Variants in NPIPA5 observed in about 807,000 individuals in gnomAD.
The protein encoded by NPIPA5 is nuclear pore complex-interacting protein family member A5.
A neutral mutation model predicts 21.4 loss-of-function variants in NPIPA5; 6 were observed. That is an observed-to-expected ratio of 0.28 (90% CI 0.15 to 0.55). NPIPA5 has a LOEUF of 0.55. Among genes scored for constraint, NPIPA5 ranks in the 20% least tolerant of loss-of-function variants. NPIPA5 has a pLI of 0.93. For synonymous variants in NPIPA5, 33 were observed against 115.3 expected, an observed-to-expected ratio of 0.29 and a Z score of 4.57; for missense variants, 99 against 318.2, an observed-to-expected ratio of 0.31 and a Z score of 5.24.
upstream of NPIPA5, chr16:15,380,866 T>G: frequency 2.9e-6 from 2 of 685,506 alleles, no homozygotes; most frequent in Non-Finnish European, 4.8e-6. Context: ...ATGAGATGTG[T>G]GGCAGCTGAG....
intron 4 of NPIPA5, among the ~76,000 whole-genome samples, chr16:15,368,411 A>G (rs548100419): frequency 1.8e-3 from 279 of 152,256 alleles, no homozygotes; most frequent in Non-Finnish European, 3.5e-3. Context: ...CTGCAGCAAG[A>G]TAACATGCTA....
intron 4 of NPIPA5, among the ~76,000 whole-genome samples, chr16:15,369,088 G>T (rs2050069985): frequency 6.7e-6 from 1 of 149,336 alleles, no homozygotes; most frequent in South Asian, 2.1e-4. Flanking sequence ...GGAGGCAGAG[G>T]TTGCAGTGAG....
chr16:15,372,481 C>T (rs71376005), intron 2 of NPIPA5, among the ~76,000 whole-genome samples: 6,885 of 138,690 alleles, frequency 0.05, 412 homozygotes, highest in Non-Finnish European at 0.072. Flanking sequence ...GGAGACTCCT[C>T]TTGGGGGTGA....
rs1380418106 is a variant in NPIPA5, at chr16:15,363,792, G to A, written c.920C>T (p.Thr307Ile). 6 of 1,338,284 alleles carry A rather than the reference G, an allele frequency of 4.5e-6. No individual in the cohort carries two copies. The highest frequency in any genetic ancestry group is 1.5e-5 in the African/African-American group (1 of 66,910). The allele number at this position is 1,338,284 out of a possible 1,614,324, so 82.9% of individuals were successfully genotyped here. A position where few individuals can be genotyped will look rare whatever the true frequency, so the allele number is the denominator to read the frequency against. ...GGGAGTGAGCAGACACTCGGCAGGT[G>A]TCTTGAGATTATCATCCGCTGAGGG... Reference protein sequence around the residue: ...ALPSADDNLKTPAECLLTPLP... With the variant: ...ALPSADDNLKIPAECLLTPLP... Residue 307 changes from threonine (T) to isoleucine (I), a missense_variant, in exon 8 of 8, where the codon ACA becomes ATA. Around this residue, in one of 5 missense-constraint regions of NPIPA5, gnomAD observed 75 missense variants for 138.5 expected, o/e 0.54. Transcript: ENST00000360151.
At chr16:15,378,045 C>T (rs1331997690) in intron 1 of NPIPA5, among the ~76,000 whole-genome samples, 187 bp downstream of exon 1, 7 of 145,160 alleles carry the variant, frequency 4.8e-5, no homozygotes, top group South Asian at 2.2e-4. Context: ...CAGTCCCCCA[C>T]GCTCCTCCCA....
At chr16:15,371,156 G>A (rs955654355) in intron 2 of NPIPA5, among the ~76,000 whole-genome samples, 2 of 144,566 alleles carry the variant, frequency 1.4e-5, no homozygotes, top group Admixed American at 7.5e-5. Context: ...AGGTTAACAT[G>A]TTTCACAACT....
intron 4 of NPIPA5, among the ~76,000 whole-genome samples, chr16:15,367,446 G>A (rs1056346743): frequency 1.3e-5 from 2 of 152,020 alleles, no homozygotes; most frequent in African/African-American, 2.4e-5. Flanking sequence ...AGGTGACAAC[G>A]GCAAACCATC....
intron 4 of NPIPA5, among the ~76,000 whole-genome samples, chr16:15,369,302 A>C (rs2050081285): frequency 6.7e-6 from 1 of 149,742 alleles, no homozygotes; most frequent in African/African-American, 2.4e-5. Context: ...GTAAAAATAC[A>C]AAAATTAGCT....
upstream of NPIPA5, among the ~76,000 whole-genome samples, chr16:15,380,327 A>AT (rs201469564): frequency 0.031 from 4,374 of 140,692 alleles, 143 homozygotes; most frequent in East Asian, 0.12. Flanking sequence ...TTGCAGGATA[A>AT]TTTTTTTTTT....
chr16:15,381,464 G>A, upstream of NPIPA5: 1 of 979,462 alleles, frequency 1.0e-6, no homozygotes, highest in Non-Finnish European at 1.2e-6. Flanking sequence ...AAAAGCATTA[G>A]TGATTTCTCA....
intron 4 of NPIPA5, among the ~76,000 whole-genome samples, chr16:15,369,014 A>G (rs1308272572): frequency 7.2e-6 from 1 of 139,634 alleles, no homozygotes; most frequent in Admixed American, 7.5e-5. Flanking sequence ...AATTGGCCGA[A>G]TGTGGTGGCA....
At chr16:15,374,934 CTTTTA>C (rs1388835452) in intron 1 of NPIPA5, among the ~76,000 whole-genome samples, 1 of 144,882 alleles carries the variant, frequency 6.9e-6, no homozygotes, top group Non-Finnish European at 1.5e-5. Flanking sequence ...ATTATCTTAT[CTTTTA>C]TTTTTGTTTT....
chr16:15,375,908 A>G (rs74735817), intron 1 of NPIPA5, among the ~76,000 whole-genome samples: 71,100 of 149,000 alleles, frequency 0.48, 18,559 homozygotes, highest in Middle Eastern at 0.61. Context: ...TTTCTACATC[A>G]ATTCCTCAGG....
At chr16:15,381,111 G>T (rs2050427550), upstream of NPIPA5, 1 of 1,535,742 alleles carries the variant, frequency 6.5e-7, no homozygotes, top group Middle Eastern at 2.3e-4. Flanking sequence ...AAAAAAAAAA[G>T]TGTTGAATGA....
At chr16:15,379,246 G>C (rs1220555132), upstream of NPIPA5, among the ~76,000 whole-genome samples, 1 of 152,166 alleles carries the variant, frequency 6.6e-6, no homozygotes, top group Non-Finnish European at 1.5e-5. Flanking sequence ...ACCATAAATA[G>C]AAAAACAACC....
chr16:15,376,753 A>G (rs994174875), intron 1 of NPIPA5, among the ~76,000 whole-genome samples: 3 of 151,562 alleles, frequency 2.0e-5, no homozygotes, highest in African/African-American at 7.3e-5. Context: ...AGTCTCTACT[A>G]AAAATACAAA....
intron 1 of NPIPA5, among the ~76,000 whole-genome samples, chr16:15,376,469 G>A (rs1013559274): frequency 7.4e-5 from 11 of 149,180 alleles, no homozygotes; most frequent in Admixed American, 2.7e-4. Context: ...CAGAGGTTGC[G>A]GTGAGCTGAT....
intron 4 of NPIPA5, among the ~76,000 whole-genome samples, chr16:15,367,418 G>T (rs946810007): frequency 2.0e-5 from 3 of 152,078 alleles, no homozygotes; most frequent in African/African-American, 4.8e-5. Flanking sequence ...CTAAGTCAGG[G>T]TGTTATGTCC....
upstream of NPIPA5, among the ~76,000 whole-genome samples, chr16:15,379,445 T>C (rs2050384115): frequency 2.6e-5 from 4 of 151,692 alleles, no homozygotes; most frequent in Admixed American, 2.0e-4. Context: ...TGGGCACCTG[T>C]AGTCCCACCT....
Sources: allele counts gnomAD v4.1 joint callset (sites outside exome capture counted in the v4.1 genomes callset), GRCh38; gene constraint gnomAD v4.1.1; regional missense constraint gnomAD v4.1.1; transcripts MANE v1.5; gene names NCBI Gene and HGNC (gene_info 2026-07-23, HGNC 2026-07-21).